The following SORCS3 variants were observed in gnomAD, a reference collection of about 807,000 sequenced individuals.
The protein encoded by SORCS3 is sortilin related VPS10 domain containing receptor 3.
In SORCS3, 57 loss-of-function variants were observed where a neutral mutation model predicts 146.3. That is an observed-to-expected ratio of 0.39 (90% confidence interval 0.31 to 0.49). The LOEUF is 0.49. Among genes scored for constraint, SORCS3 ranks in the 20% least tolerant of loss-of-function variants. The probability of loss-of-function intolerance (pLI) is 0.92; values close to 1 mark genes in which losing one functional copy is unlikely to be tolerated. For synonymous variants in SORCS3, 653 were observed against 618.5 expected (o/e 1.06, Z -0.83); for missense variants, 1,341 against 1,575.5 (o/e 0.85, Z 2.52).
chr10:104,869,345 A>G (rs935073254), intron 2 of SORCS3, among the ~76,000 whole-genome samples: 4 of 152,196 alleles, frequency 2.6e-5, no homozygotes, highest in African/African-American at 9.7e-5. Context: ...ACTAATGTTG[A>G]AGATCAAACA....
intron 18 of SORCS3, among the ~76,000 whole-genome samples, chr10:105,216,544 T>G (rs1425585725): frequency 6.6e-6 from 1 of 152,212 alleles, no homozygotes; most frequent in East Asian, 1.9e-4. Context: ...TGCTTGGCAC[T>G]AATAAAAAAA....
rs2054898299 is a variant in SORCS3, at chr10:104,976,507, T to A, written c.796-828T>A. On this transcript the variant is annotated intron_variant, in intron 3 of 26. Coordinates refer to ENST00000369701, the MANE Select transcript of SORCS3 (RefSeq NM_014978.3). ...CCATTGTGGAAGTCAGTGTGGCGAT[T>A]CCTCAGGGATCTAGAACTAGAAATA... is the stretch of plus-strand genomic sequence containing the variant. Among the ~76,000 whole-genome samples the A allele has an allele frequency of 2.0e-5, 3 of 152,234 alleles. No homozygotes were observed. In the South Asian group the frequency reaches 6.2e-4, roughly 32 times the overall value.
At chr10:105,109,972 A>G (rs1036104180) in intron 7 of SORCS3, among the ~76,000 whole-genome samples, 1 of 150,856 alleles carries the variant, frequency 6.6e-6, no homozygotes, top group Non-Finnish European at 1.5e-5. Context: ...TATGTTTTCT[A>G]TTTCAGTTTT....
intron 2 of SORCS3, among the ~76,000 whole-genome samples, chr10:104,880,661 C>T (rs571480802): frequency 4.5e-4 from 68 of 152,316 alleles, no homozygotes; most frequent in Non-Finnish European, 8.4e-4. Context: ...CCTCCCCCGT[C>T]TGCTGGAGAA....
intron 11 of SORCS3, among the ~76,000 whole-genome samples, chr10:105,160,494 G>A (rs2056253009): frequency 6.6e-6 from 1 of 152,096 alleles, no homozygotes; most frequent in African/African-American, 2.4e-5. Context: ...AGGTGTGGTG[G>A]TGCATGCCTG....
At chr10:105,021,587 G>A (rs932671530) in intron 4 of SORCS3, among the ~76,000 whole-genome samples, 12 of 151,998 alleles carry the variant, frequency 7.9e-5, no homozygotes, top group Admixed American at 3.3e-4. Context: ...TGAATAATTC[G>A]AAGAACTAGT....
chr10:104,690,491 G>A (rs2016098813), intron 1 of SORCS3, among the ~76,000 whole-genome samples: 1 of 152,210 alleles, frequency 6.6e-6, no homozygotes, highest in Non-Finnish European at 1.5e-5. Context: ...AAGTCACAGG[G>A]TTGAGGCAAG....
intron 3 of SORCS3, among the ~76,000 whole-genome samples, chr10:104,917,692 C>G (rs2019046401): frequency 6.6e-6 from 1 of 152,206 alleles, no homozygotes; most frequent in Admixed American, 6.5e-5. Context: ...TTATCTAATT[C>G]TGAGATTAAC....
intron 4 of SORCS3, among the ~76,000 whole-genome samples, chr10:104,999,876 G>T (rs2055050411): frequency 2.0e-5 from 3 of 152,254 alleles, no homozygotes; most frequent in South Asian, 4.1e-4. Context: ...TATCCCAGGG[G>T]TTTTCATATG....
At position 104,785,175 on chromosome 10, in the gene SORCS3, T is replaced by A. The variant is rs1441776264; in HGVS notation, c.628-57617T>A. On this transcript the variant is annotated intron_variant, in intron 1 of 26. Transcript: ENST00000369701. ...GTGGGGAAAAGATTGAGAAATCGGA[T>A]GGTTGCCGTGTCTGTGTAGAAAGAA... Among the ~76,000 whole-genome samples, 4 of 150,044 alleles carry A rather than the reference T, an allele frequency of 2.7e-5. No individual in the cohort carries two copies. The East Asian group carries it at 1.0e-3, about 38-fold the overall frequency.
Position 104,981,777 on chromosome 10 carries a change from T to C in SORCS3, c.954+4284T>C, listed in dbSNP as rs185122306. 5.3e-5 allele frequency among the ~76,000 whole-genome samples: 8 copies of C among 152,270 alleles called. No homozygotes were observed. The East Asian group carries it at 1.4e-3, about 26-fold the overall frequency. ...ACATCCTGGCACAGGGGGCCTTCCGTAGGAGATGGAGAGCTGAAAATAGCT... is the reference window on the plus strand; with the variant it reads ...ACATCCTGGCACAGGGGGCCTTCCGCAGGAGATGGAGAGCTGAAAATAGCT... On this transcript the variant is annotated intron_variant, in intron 4 of 26. Coordinates refer to ENST00000369701, the MANE Select transcript of SORCS3 (RefSeq NM_014978.3).
chr10:105,109,467 C>T (rs1589637109), intron 7 of SORCS3, among the ~76,000 whole-genome samples: 1 of 152,188 alleles, frequency 6.6e-6, no homozygotes, highest in Admixed American at 6.5e-5. Flanking sequence ...CAGTTGTCCC[C>T]AGAAGTCTTT....
intron 5 of SORCS3, among the ~76,000 whole-genome samples, chr10:105,043,548 A>G (rs2055351414): frequency 6.6e-6 from 1 of 152,192 alleles, no homozygotes; most frequent in Admixed American, 6.5e-5. Flanking sequence ...CAGCAGTTCC[A>G]CAAAATGCTT....
intron 2 of SORCS3, among the ~76,000 whole-genome samples, chr10:104,886,605 TCTAC>T (rs1402910016): frequency 6.8e-6 from 1 of 146,660 alleles, no homozygotes; most frequent in East Asian, 2.0e-4. Context: ...TATCTATCTA[TCTAC>T]ATTCTCCCCT....
intron 16 of SORCS3, among the ~76,000 whole-genome samples, chr10:105,201,555 T>C (rs562992970): frequency 4.6e-5 from 7 of 152,336 alleles, no homozygotes; most frequent in South Asian, 2.1e-4. Flanking sequence ...GAAGTTGTGC[T>C]GGGCATTGAC....
chr10:105,168,626 C>T (rs1002573964), intron 13 of SORCS3, among the ~76,000 whole-genome samples: 5 of 152,060 alleles, frequency 3.3e-5, no homozygotes, highest in Non-Finnish European at 5.9e-5. Flanking sequence ...TGGAAAGCAT[C>T]GGACTGTAAT....
At chr10:104,867,606 G>A (rs540883981) in intron 2 of SORCS3, among the ~76,000 whole-genome samples, 1 of 152,140 alleles carries the variant, frequency 6.6e-6, no homozygotes, top group South Asian at 2.1e-4. Flanking sequence ...ACTGCACCTG[G>A]CCCAGTGTAC....
intron 13 of SORCS3, among the ~76,000 whole-genome samples, chr10:105,168,401 T>C (rs1481935203): frequency 1.3e-5 from 2 of 152,144 alleles, no homozygotes; most frequent in African/African-American, 4.8e-5. Context: ...TGGAAGGGAA[T>C]GGATGAGTCT....
chr10:105,216,745 A>G (rs868227098), intron 18 of SORCS3, among the ~76,000 whole-genome samples, 191 bp from the exon 19 acceptor site: 4 of 152,160 alleles, frequency 2.6e-5, no homozygotes, highest in African/African-American at 9.7e-5. Flanking sequence ...GATGAGGACA[A>G]TAGGTCCATA....
Sources: gnomAD v4.1 joint callset for allele counts (sites outside exome capture counted in the v4.1 genomes callset) on GRCh38, gnomAD v4.1.1 for gene constraint, MANE v1.5 for transcripts, NCBI Gene and HGNC (gene_info 2026-07-23, HGNC 2026-07-21) for gene names.